The following SCAPER variants were observed in gnomAD, a reference collection of about 807,000 sequenced individuals.
SCAPER encodes the protein S phase cyclin A-associated protein in the endoplasmic reticulum.
Under a neutral mutation model 182.2 loss-of-function variants are expected in SCAPER, and 98 were observed. That is an observed-to-expected ratio of 0.54 (90% CI 0.46 to 0.64). The LOEUF is 0.64. Ranked by LOEUF, SCAPER falls within the 30% of genes least tolerant of loss-of-function variation. The probability of loss-of-function intolerance (pLI) is 0.00; values close to 1 mark genes in which losing one functional copy is unlikely to be tolerated. For missense variants in SCAPER, 1,432 were observed against 1,690.0 expected, an observed-to-expected ratio of 0.85 and a Z score of 2.68; for synonymous variants, 605 against 564.6, an observed-to-expected ratio of 1.07 and a Z score of -1.01.
In SCAPER at chr15:76,574,250, C is replaced by G. The variant is rs377719837; in HGVS notation, c.2746G>C (p.Val916Leu). ...CATGAGCCACTGTCTTGAACTTGTACTTGTTTTAGAAGATCTTTGGCTAAT... is the reference window on the plus strand; with the variant it reads ...CATGAGCCACTGTCTTGAACTTGTAGTTGTTTTAGAAGATCTTTGGCTAAT... Reference protein sequence around the residue: ...QRLAKDLLKQVQVQDSGSWAN... With the variant: ...QRLAKDLLKQLQVQDSGSWAN... Residue 916 changes from valine to leucine, a missense_variant, in exon 23 of 32, where the codon GTA becomes CTA. Around this residue, in one of 5 missense-constraint regions of SCAPER, gnomAD observed 718 missense variants for 799.7 expected, o/e 0.90. Transcript: ENST00000563290. 8.1e-6 allele frequency: 13 copies of G among 1,611,688 alleles called. No individual in the cohort carries two copies. The African/African-American group carries it at 1.7e-4, about 22-fold the overall frequency.
chr15:76,800,273 T>C lies in SCAPER; in HGVS notation c.586A>G (p.Asn196Asp), dbSNP rs762558729. The C allele has an allele frequency of 6.2e-7, 1 of 1,612,486 alleles. No individual in the cohort carries two copies. The highest frequency in any genetic ancestry group is 8.5e-7 in the Non-Finnish European group (1 of 1,179,086). Reference protein sequence around the residue: ...PSTDRINVTSNARRSLNFGGS... With the variant: ...PSTDRINVTSDARRSLNFGGS... ...CCAAAATTTAAGCTTCGTCGAGCAT[T>C]TGATGTTACATTTATTCTATCTGTT... The change falls in exon 7 of 32, where the codon AAT becomes GAT. Residue 196 changes from asparagine to aspartate, a missense_variant. Asn to Asp is a conservative substitution (Grantham distance 23). Coordinates refer to ENST00000563290, the MANE Select transcript of SCAPER (RefSeq NM_020843.4).
At chr15:76,353,860 G>T in intron 30 of SCAPER, 89 bp downstream of exon 30, 1 of 1,172,118 alleles carries the variant, frequency 8.5e-7, no homozygotes, top group Non-Finnish European at 1.1e-6. Flanking sequence ...TAGTATGGAA[G>T]GCAAAAATAA....
intron 23 of SCAPER, among the ~76,000 whole-genome samples, chr15:76,516,374 C>T (rs1402725700): frequency 7.4e-5 from 11 of 148,966 alleles, no homozygotes; most frequent in African/African-American, 2.7e-4. Context: ...CCACCCCCCA[C>T]CCCACCCCCG....
intron 25 of SCAPER, among the ~76,000 whole-genome samples, chr15:76,443,704 A>T (rs2047782355): frequency 6.6e-6 from 1 of 152,252 alleles, no homozygotes; most frequent in Non-Finnish European, 1.5e-5. Flanking sequence ...AAAGTTGTGC[A>T]AACTTTCCAC....
chr15:76,436,796 C>T (rs913255287), intron 25 of SCAPER, among the ~76,000 whole-genome samples: 3 of 152,182 alleles, frequency 2.0e-5, no homozygotes, highest in African/African-American at 7.2e-5. Context: ...AAGCTGAATA[C>T]AAACTTCTGT....
intron 4 of SCAPER, among the ~76,000 whole-genome samples, chr15:76,845,982 G>T (rs1412069009): frequency 2.0e-5 from 3 of 152,030 alleles, no homozygotes; most frequent in Non-Finnish European, 4.4e-5. Context: ...CATGGTACTG[G>T]CATAAAAACA....
chr15:76,516,606 G>T lies in SCAPER; in HGVS notation c.2839-11632C>A, dbSNP rs538355591. 2.6e-5 allele frequency among the ~76,000 whole-genome samples: 4 copies of T among 152,190 alleles called. No homozygotes were observed. The East Asian group carries it at 5.8e-4, about 22-fold the overall frequency. On this transcript the variant is annotated intron_variant, in intron 23 of 31. Transcript: ENST00000563290. ...GTATGTGGCACATTTTCTTTATCCA[G>T]TCTATCATTGATGGACATTTGGGTT... is the stretch of plus-strand genomic sequence containing the variant.
chr15:76,397,007 GT>G (rs61586857), intron 27 of SCAPER, among the ~76,000 whole-genome samples: 8,410 of 121,130 alleles, frequency 0.069, 606 homozygotes, highest in African/African-American at 0.2. Flanking sequence ...TTTTTTGAGA[GT>G]TTTTTTTTTT....
chr15:76,766,914 T>A lies in SCAPER; in HGVS notation c.1419+4A>T. ...TAGTTATGTTAAAAAGTCTAAAAGC[T>A]CACAGAAAAATCACTGTCGTTGTCA... On this transcript the variant is annotated splice_donor_region_variant and intron_variant, in intron 11 of 31. Coordinates refer to ENST00000563290, the MANE Select transcript of SCAPER (RefSeq NM_020843.4). The A allele has an allele frequency of 6.3e-7, 1 of 1,583,928 alleles. No individual in the cohort carries two copies.
intron 6 of SCAPER, among the ~76,000 whole-genome samples, chr15:76,801,857 C>A (rs955884680): frequency 4.0e-5 from 6 of 150,830 alleles, no homozygotes; most frequent in African/African-American, 1.5e-4. Context: ...TGCAGCGAGC[C>A]AAGATGGCAC....
At chr15:76,737,643 T>C (rs139525267) in intron 15 of SCAPER, among the ~76,000 whole-genome samples, 2 of 152,354 alleles carry the variant, frequency 1.3e-5, no homozygotes, top group Non-Finnish European at 2.9e-5. Context: ...GAATTCTCTA[T>C]AGCTATGAAA....
intron 4 of SCAPER, among the ~76,000 whole-genome samples, chr15:76,851,136 T>C (rs2070715066): frequency 6.6e-6 from 1 of 151,732 alleles, no homozygotes; most frequent in Non-Finnish European, 1.5e-5. Context: ...GAAATAAGAC[T>C]GACAAAAATA....
chr15:76,366,569 G>T (rs906056067), intron 29 of SCAPER, among the ~76,000 whole-genome samples: 6 of 152,108 alleles, frequency 3.9e-5, no homozygotes, highest in African/African-American at 1.4e-4. Context: ...GTAGGATAAG[G>T]TTCCAATTAA....
chr15:76,528,398 C>G (rs1597213184), intron 23 of SCAPER, among the ~76,000 whole-genome samples: 1 of 152,138 alleles, frequency 6.6e-6, no homozygotes, highest in African/African-American at 2.4e-5. Flanking sequence ...TAACTTTCTA[C>G]CAGGTATCTT....
At chr15:76,805,283 C>T (rs2066070591) in intron 5 of SCAPER, among the ~76,000 whole-genome samples, 1 of 152,108 alleles carries the variant, frequency 6.6e-6, no homozygotes, top group South Asian at 2.1e-4. Context: ...TGGGTATATA[C>T]TTAGAAGTGG....
At chr15:76,717,061 T>C (rs2059924971) in intron 17 of SCAPER, among the ~76,000 whole-genome samples, 1 of 150,914 alleles carries the variant, frequency 6.6e-6, no homozygotes. Flanking sequence ...TAAGGGGATG[T>C]CCATCAGAGT....
intron 23 of SCAPER, among the ~76,000 whole-genome samples, chr15:76,540,517 C>T (rs1256283239): frequency 6.6e-6 from 1 of 151,752 alleles, no homozygotes; most frequent in Admixed American, 6.6e-5. Context: ...TATATATACA[C>T]GTCTATATTT....
chr15:76,431,059 C>T (rs1294781141), intron 26 of SCAPER, among the ~76,000 whole-genome samples: 1 of 148,502 alleles, frequency 6.7e-6, no homozygotes, highest in Non-Finnish European at 1.5e-5. Context: ...TGCCACAACC[C>T]ATGCAACACA....
chr15:76,769,682 T>C (rs1267945874), intron 10 of SCAPER, among the ~76,000 whole-genome samples: 1 of 152,034 alleles, frequency 6.6e-6, no homozygotes, highest in Admixed American at 6.6e-5. Context: ...CTGGAGAGGA[T>C]GTGGAGAAAT....
Sources: gnomAD v4.1 joint callset for allele counts (sites outside exome capture counted in the v4.1 genomes callset) on GRCh38, gnomAD v4.1.1 for gene constraint, gnomAD v4.1.1 regional missense constraint, MANE v1.5 for transcripts, NCBI Gene and HGNC (gene_info 2026-07-23, HGNC 2026-07-21) for gene names.